NKAIN3: variants seen among roughly 807,000 people sequenced by gnomAD.
The protein encoded by NKAIN3 is sodium/potassium transporting ATPase interacting 3.
NKAIN3 carries 25 observed loss-of-function variants against 30.2 expected under a neutral mutation model. The ratio of observed to expected loss-of-function variants is 0.83; its 90% CI spans 0.60 to 1.16. The LOEUF is 1.16. NKAIN3 is among the 50% of genes most tolerant of loss of function. The pLI, the probability that NKAIN3 is intolerant of heterozygous loss-of-function variation, is 0.00. For synonymous variants in NKAIN3, 91 were observed against 89.6 expected (o/e 1.02, Z -0.09); for missense variants, 225 against 254.1 (o/e 0.89, Z 0.78).
intron 3 of NKAIN3, among the ~76,000 whole-genome samples, chr8:62,709,457 A>G (rs1814646073): frequency 2.6e-5 from 4 of 151,954 alleles, no homozygotes; most frequent in Admixed American, 2.6e-4. Context: ...GAAGGGTTGT[A>G]TTTTTCCAGG....
chr8:62,742,027 T>C (rs929761173), intron 3 of NKAIN3, among the ~76,000 whole-genome samples: 2 of 152,062 alleles, frequency 1.3e-5, no homozygotes, highest in African/African-American at 2.4e-5. Flanking sequence ...GGAAAAATAA[T>C]TTTTTCTCTA....
chr8:62,644,257 C>T (rs747649912), intron 3 of NKAIN3, among the ~76,000 whole-genome samples: 4 of 151,992 alleles, frequency 2.6e-5, no homozygotes, highest in Non-Finnish European at 4.4e-5. Context: ...TTGTAGTTCC[C>T]GTAGGTCTTT....
chr8:62,502,653 T>A (rs957988589), intron 1 of NKAIN3, among the ~76,000 whole-genome samples: 10 of 152,168 alleles, frequency 6.6e-5, no homozygotes, highest in African/African-American at 2.4e-4. Context: ...TCTCCCTGTA[T>A]GATCTCAGAC....
chr8:62,916,932 G>A (rs959972439), intron 4 of NKAIN3, among the ~76,000 whole-genome samples: 5 of 151,902 alleles, frequency 3.3e-5, no homozygotes, highest in African/African-American at 9.7e-5. Context: ...GGGTTCTTCA[G>A]AATCCCACCC....
At chr8:62,876,912 A>T (rs1489611927) in intron 4 of NKAIN3, among the ~76,000 whole-genome samples, 1 of 152,028 alleles carries the variant, frequency 6.6e-6, no homozygotes, top group East Asian at 1.9e-4. Flanking sequence ...CGTTCTGCAC[A>T]TGTATCCCGT....
intron 1 of NKAIN3, among the ~76,000 whole-genome samples, chr8:62,417,073 C>G (rs756338412): frequency 1.3e-5 from 2 of 151,696 alleles, no homozygotes; most frequent in Non-Finnish European, 2.9e-5. Context: ...TTCATTCTTT[C>G]TATTTTTTCA....
At chr8:62,685,849 T>C (rs1008983349) in intron 3 of NKAIN3, among the ~76,000 whole-genome samples, 2 of 152,210 alleles carry the variant, frequency 1.3e-5, no homozygotes, top group Non-Finnish European at 2.9e-5. Flanking sequence ...ATAATTTAGG[T>C]CAAGTATTTC....
chr8:62,338,823 C>G (rs1815648396), intron 1 of NKAIN3, among the ~76,000 whole-genome samples: 1 of 151,946 alleles, frequency 6.6e-6, no homozygotes, highest in Non-Finnish European at 1.5e-5. Flanking sequence ...GCTTTATATT[C>G]TAGCCAGGCT....
At chr8:62,895,883 C>T (rs1821414041) in intron 4 of NKAIN3, among the ~76,000 whole-genome samples, 1 of 152,112 alleles carries the variant, frequency 6.6e-6, no homozygotes. Context: ...GCTGTCCTTG[C>T]TTCCAGTTTC....
intron 3 of NKAIN3, among the ~76,000 whole-genome samples, chr8:62,647,631 C>T (rs1812507694): frequency 6.6e-6 from 1 of 152,034 alleles, no homozygotes; most frequent in Non-Finnish European, 1.5e-5. Context: ...GGAGGGAGGA[C>T]TGTTTTAAGG....
chr8:62,888,937 C>T (rs1821222809), intron 4 of NKAIN3, among the ~76,000 whole-genome samples: 1 of 152,098 alleles, frequency 6.6e-6, no homozygotes, highest in Non-Finnish European at 1.5e-5. Context: ...TTTTGTTGAA[C>T]TGATTTGAGA....
intron 3 of NKAIN3, among the ~76,000 whole-genome samples, chr8:62,722,805 A>G (rs759374337): frequency 3.9e-5 from 6 of 152,150 alleles, no homozygotes; most frequent in Non-Finnish European, 5.9e-5. Flanking sequence ...GAGTCAGGCA[A>G]CAAGAATGGG....
intron 5 of NKAIN3, chr8:62,990,405 T>A: frequency 8.4e-7 from 1 of 1,194,134 alleles, no homozygotes; most frequent in Non-Finnish European, 1.1e-6. Context: ...ATAGGTTTTT[T>A]TTTAACCAGC....
At chr8:62,674,936 A>G (rs546020710) in intron 3 of NKAIN3, among the ~76,000 whole-genome samples, 211 of 152,308 alleles carry the variant, frequency 1.4e-3, no homozygotes, top group African/African-American at 4.5e-3. Context: ...TTCAGTCAAC[A>G]TTCTCCTCCC....
At chr8:62,849,095 T>C (rs1388697754) in intron 4 of NKAIN3, among the ~76,000 whole-genome samples, 5 of 152,122 alleles carry the variant, frequency 3.3e-5, no homozygotes, top group Non-Finnish European at 7.4e-5. Context: ...TGCATCGATG[T>C]TCATCCAGGA....
intron 1 of NKAIN3, among the ~76,000 whole-genome samples, chr8:62,546,828 T>G (rs1047180108): frequency 3.9e-5 from 6 of 152,324 alleles, no homozygotes; most frequent in South Asian, 2.1e-4. Flanking sequence ...CTTAGAATGC[T>G]GTCCCTGGGA....
At chr8:62,506,591 C>T (rs1585885293) in intron 1 of NKAIN3, among the ~76,000 whole-genome samples, 2 of 149,620 alleles carry the variant, frequency 1.3e-5, no homozygotes, top group South Asian at 4.2e-4. Flanking sequence ...TCTTTTGCCT[C>T]AGCCTCCCGA....
chr8:62,762,290 T>A (rs1255751824), intron 4 of NKAIN3, among the ~76,000 whole-genome samples: 1 of 149,760 alleles, frequency 6.7e-6, no homozygotes, highest in Non-Finnish European at 1.5e-5. Context: ...CAGTCCAGCC[T>A]GGGCAACAAG....
At chr8:62,771,483 A>T (rs925049050) in intron 4 of NKAIN3, among the ~76,000 whole-genome samples, 1 of 152,108 alleles carries the variant, frequency 6.6e-6, no homozygotes, top group Non-Finnish European at 1.5e-5. Flanking sequence ...TGATGAAAAA[A>T]TAATAATAAT....
Sources: gnomAD v4.1 joint callset for allele counts (sites outside exome capture counted in the v4.1 genomes callset) on GRCh38, gnomAD v4.1.1 for gene constraint, MANE v1.5 for transcripts, NCBI Gene and HGNC (gene_info 2026-07-23, HGNC 2026-07-21) for gene names.